The following LEPR variants were observed in gnomAD, a reference collection of about 807,000 sequenced individuals.
LEPR encodes leptin receptor.
Under a neutral mutation model 114.7 loss-of-function variants are expected in LEPR, and 56 were observed. The observed-to-expected ratio is 0.49, with a 90% CI of 0.39 to 0.61. LEPR has a LOEUF of 0.61. Ranked by LOEUF, LEPR falls within the 20% of genes least tolerant of loss-of-function variation. The pLI is 0.00. For missense variants in LEPR, 1,202 were observed against 1,352.9 expected (o/e 0.89, Z 1.75); for synonymous variants, 443 against 461.4 (o/e 0.96, Z 0.51).
At chr1:65,461,519 T>C (rs1160149393) in intron 2 of LEPR, among the ~76,000 whole-genome samples, 1 of 152,206 alleles carries the variant, frequency 6.6e-6, no homozygotes, top group Non-Finnish European at 1.5e-5. Flanking sequence ...CAAAATAGTA[T>C]TGGATTATAA....
chr1:65,486,153 A>G (rs982049147), intron 2 of LEPR, among the ~76,000 whole-genome samples: 1 of 152,154 alleles, frequency 6.6e-6, no homozygotes, highest in African/African-American at 2.4e-5. Context: ...TTCTTTATGC[A>G]ACTTTCATTC....
chr1:65,488,214 C>CTTTCTTTCTTTTTCTT (rs774153035), intron 2 of LEPR, among the ~76,000 whole-genome samples: 10 of 46,768 alleles, frequency 2.1e-4, no homozygotes, highest in South Asian at 1.0e-3. Context: ...CTTTCTTTCT[C>CTTTCTTTCTTTTTCTT]TCTCTCTCTC....
At chr1:65,611,256 A>G (rs973966266) in intron 14 of LEPR, among the ~76,000 whole-genome samples, 1 of 152,192 alleles carries the variant, frequency 6.6e-6, no homozygotes, top group Non-Finnish European at 1.5e-5. Flanking sequence ...TAGCATTAGA[A>G]CTGACAGACA....
intron 19 of LEPR, among the ~76,000 whole-genome samples, chr1:65,625,227 C>A (rs1658127976): frequency 6.6e-6 from 1 of 152,046 alleles, no homozygotes; most frequent in Non-Finnish European, 1.5e-5. Flanking sequence ...TTTTTCTTAC[C>A]ATATGAGAAA....
At chr1:65,573,152 A>T (rs1249205312) in intron 5 of LEPR, among the ~76,000 whole-genome samples, 2 of 152,220 alleles carry the variant, frequency 1.3e-5, no homozygotes, top group Admixed American at 6.5e-5. Context: ...ACAGTGGCAT[A>T]TGGCCAAGGG....
rs543348504 is a variant in LEPR at position 65,633,410 on chromosome 1, A to G, written c.2674-2781A>G. The G allele has an allele frequency of 2.4e-5, 32 of 1,316,378 alleles. No individual in the cohort carries two copies. In the East Asian group the frequency reaches 8.5e-4, roughly 35 times the overall value. 81.5% of individuals were successfully genotyped at this position (1,316,378 alleles called of 1,614,324 possible). Reference sequence around the variant, plus strand: ...TGTGTGATTAATTTTCAAATCATCTAAAGTTTAAAAGTAGTATTCATGATT... The same window carrying G: ...TGTGTGATTAATTTTCAAATCATCTGAAGTTTAAAAGTAGTATTCATGATT... On this transcript the variant is annotated intron_variant, in intron 19 of 19. Transcript: ENST00000349533. The surrounding 1 kb of genome is among the most constrained non-coding windows in gnomAD (Gnocchi z 4.1).
chr1:65,565,176 G>T (rs1653642299), intron 2 of LEPR, among the ~76,000 whole-genome samples: 1 of 152,162 alleles, frequency 6.6e-6, no homozygotes, highest in African/African-American at 2.4e-5. Flanking sequence ...GAGCATGAAA[G>T]AAATTGAAGA....
At chr1:65,586,950 A>T (rs965789279) in intron 5 of LEPR, among the ~76,000 whole-genome samples, 1 of 152,094 alleles carries the variant, frequency 6.6e-6, no homozygotes, top group Non-Finnish European at 1.5e-5. Context: ...AAGAGATTGA[A>T]TAAATAGAAA....
At chr1:65,501,651 C>T (rs561583991) in intron 2 of LEPR, among the ~76,000 whole-genome samples, 29 of 152,064 alleles carry the variant, frequency 1.9e-4, no homozygotes, top group South Asian at 2.1e-4. Context: ...AAAACAGTAG[C>T]GTTCCCATTT....
intron 2 of LEPR, among the ~76,000 whole-genome samples, chr1:65,509,241 G>A (rs1648909021): frequency 6.6e-6 from 1 of 152,130 alleles, no homozygotes; most frequent in African/African-American, 2.4e-5. Flanking sequence ...TAGGAGCGGT[G>A]AGAGTGGATA....
intron 2 of LEPR, among the ~76,000 whole-genome samples, chr1:65,460,622 C>T (rs933667554): frequency 2.0e-5 from 3 of 152,122 alleles, no homozygotes; most frequent in Non-Finnish European, 4.4e-5. Context: ...CGATGGCTCA[C>T]GCTTGGAATC....
chr1:65,507,512 CAT>C (rs1261413942), intron 2 of LEPR, among the ~76,000 whole-genome samples: 1 of 113,112 alleles, frequency 8.8e-6, no homozygotes, highest in Non-Finnish European at 1.8e-5. Flanking sequence ...TATATATATA[CAT>C]ATATATGTGT....
intron 2 of LEPR, among the ~76,000 whole-genome samples, chr1:65,518,033 A>G (rs1309070039): frequency 1.3e-5 from 2 of 152,202 alleles, no homozygotes; most frequent in Non-Finnish European, 2.9e-5. Flanking sequence ...TGGTATGCCT[A>G]TTAAAATGCA....
chr1:65,558,499 A>ATTT (rs1553165157), intron 2 of LEPR, among the ~76,000 whole-genome samples: 1 of 25,558 alleles, frequency 3.9e-5, no homozygotes, highest in Non-Finnish European at 8.2e-5. Flanking sequence ...ATGTTTCTTA[A>ATTT]TGTTTTTTTT....
intron 5 of LEPR, among the ~76,000 whole-genome samples, chr1:65,573,809 T>C (rs1352412016): frequency 6.6e-6 from 1 of 152,080 alleles, no homozygotes; most frequent in Non-Finnish European, 1.5e-5. Context: ...TTTGGGAAAA[T>C]GAAAAATGTT....
At chr1:65,583,358 C>G (rs1280887049) in intron 5 of LEPR, among the ~76,000 whole-genome samples, 1 of 152,086 alleles carries the variant, frequency 6.6e-6, no homozygotes, top group African/African-American at 2.4e-5. Context: ...AGAAAAACTT[C>G]TAGTAAGAGA....
intron 19 of LEPR, among the ~76,000 whole-genome samples, chr1:65,635,584 C>G (rs1262546929): frequency 1.3e-5 from 2 of 152,042 alleles, no homozygotes; most frequent in African/African-American, 4.8e-5. Flanking sequence ...TTCAGATAGT[C>G]TCAAGCAGAT....
intron 8 of LEPR, among the ~76,000 whole-genome samples, chr1:65,600,258 G>A (rs909531548): frequency 6.6e-6 from 1 of 152,204 alleles, no homozygotes; most frequent in East Asian, 1.9e-4. Context: ...AGTGAAGCTT[G>A]AGTGCCACCT....
chr1:65,634,335 A>G, intron 19 of LEPR: 4 of 980,424 alleles, frequency 4.1e-6, no homozygotes, highest in Non-Finnish European at 3.6e-6. Context: ...TTGACTTCTA[A>G]TAGGTGTCAT....
Sources: gnomAD v4.1 joint callset for allele counts (sites outside exome capture counted in the v4.1 genomes callset) on GRCh38, gnomAD v4.1.1 for gene constraint, Gnocchi (gnomAD v3.1) non-coding constraint, MANE v1.5 for transcripts, NCBI Gene and HGNC (gene_info 2026-07-23, HGNC 2026-07-21) for gene names.